RNF150: variants seen among roughly 807,000 people sequenced by gnomAD.
RNF150 encodes ring finger protein 150.
In RNF150, 24 loss-of-function variants were observed where a neutral mutation model predicts 39.3. The observed-to-expected ratio is 0.61, with a 90% CI of 0.44 to 0.86. The LOEUF is 0.86. RNF150 is among the 40% of genes least tolerant of loss of function. The probability of loss-of-function intolerance (pLI) is 0.00; values close to 1 mark genes in which losing one functional copy is unlikely to be tolerated. For missense variants in RNF150, 502 were observed against 587.8 expected (o/e 0.85, Z 1.51); for synonymous variants, 255 against 227.3 (o/e 1.12, Z -1.10).
intron 1 of RNF150, among the ~76,000 whole-genome samples, chr4:141,167,387 C>G (rs977297975): frequency 2.0e-5 from 3 of 152,050 alleles, no homozygotes; most frequent in African/African-American, 4.8e-5. Flanking sequence ...AATTTATAGA[C>G]TCAATGGTAT....
In RNF150 at chr4:141,200,755, A is replaced by T. The variant is rs573367455; in HGVS notation, c.-6+12039T>A. On this transcript the variant is annotated intron_variant, in intron 1 of 7. Coordinates refer to the RNF150 transcript ENST00000420921. ...GATTAAGGGTAACTCACATGGAGGT[A>T]CAAAAGCATCATCAAGAAAAATCTA... Among the ~76,000 whole-genome samples, 4 of 152,352 alleles carry T rather than the reference A, an allele frequency of 2.6e-5. No individual in the cohort carries two copies. The South Asian group carries it at 8.3e-4, about 32-fold the overall frequency.
intron 1 of RNF150, among the ~76,000 whole-genome samples, chr4:141,094,655 G>A (rs568649948): frequency 2.6e-5 from 4 of 152,370 alleles, no homozygotes; most frequent in East Asian, 1.9e-4. Context: ...CCACATGGCC[G>A]TAGTTTGCCA....
intron 1 of RNF150, among the ~76,000 whole-genome samples, chr4:141,022,126 C>T (rs1389290972): frequency 6.6e-6 from 1 of 152,164 alleles, no homozygotes; most frequent in Non-Finnish European, 1.5e-5. Context: ...AAAGAAAGGC[C>T]TCTTTACACA....
At chr4:140,980,741 G>A (rs768360213) in intron 1 of RNF150, among the ~76,000 whole-genome samples, 1 of 152,150 alleles carries the variant, frequency 6.6e-6, no homozygotes, top group Non-Finnish European at 1.5e-5. Context: ...CCTTCCGCAT[G>A]ATTGTAAGTT....
chr4:141,099,792 TA>T (rs951059561), intron 1 of RNF150, among the ~76,000 whole-genome samples: 15 of 146,292 alleles, frequency 1.0e-4, no homozygotes, highest in Admixed American at 2.1e-4. Flanking sequence ...GTTATATATA[TA>T]AAAAAAAAAC....
intron 5 of RNF150, among the ~76,000 whole-genome samples, chr4:140,917,917 T>G (rs921260581): frequency 6.6e-5 from 10 of 151,806 alleles, no homozygotes; most frequent in African/African-American, 2.4e-4. Flanking sequence ...ACATGGAAAC[T>G]GAACAACCTG....
At chr4:141,153,933 T>C (rs533938902) in intron 1 of RNF150, among the ~76,000 whole-genome samples, 1 of 152,318 alleles carries the variant, frequency 6.6e-6, no homozygotes, top group African/African-American at 2.4e-5. Flanking sequence ...TTTGCTGAGA[T>C]TGAATCCCAG....
chr4:140,999,990 A>G (rs865929573), intron 1 of RNF150, among the ~76,000 whole-genome samples: 10 of 30,506 alleles, frequency 3.3e-4, no homozygotes, highest in Non-Finnish European at 3.9e-4. Flanking sequence ...GAAGAAAAGA[A>G]GAAAAGAAGA....
In RNF150 at chr4:141,132,451, G is replaced by T; in HGVS notation, c.358C>A (p.Leu120Ile). The change falls in exon 1 of 7, where the codon CTC becomes ATC. Residue 120 changes from leucine to isoleucine, a missense_variant. Transcript: ENST00000515673. This position sits in a 1 kb window ranked among gnomAD's most constrained non-coding sequence, Gnocchi z 4.9. ...TACGTGCAGTTGCCCTTGGGGATGA[G>T]GGCTATCCAGTTCTTGCCGCGGGTC... ...APTRGKNWIA[L>I]IPKGNCTYRD... is the part of the protein sequence containing the mutation. 1 of 1,610,466 alleles carries T rather than the reference G, an allele frequency of 6.2e-7. No homozygotes were observed. Among genetic ancestry groups the T allele is most frequent in the Admixed American group, 1.7e-5 (1 of 59,538 alleles).
chr4:140,932,596 T>C (rs929376866), intron 4 of RNF150, among the ~76,000 whole-genome samples: 1 of 152,208 alleles, frequency 6.6e-6, no homozygotes, highest in Non-Finnish European at 1.5e-5. Context: ...ACCTTTATTC[T>C]TTCCCAGTGT....
intron 2 of RNF150, among the ~76,000 whole-genome samples, chr4:140,950,478 TTAAG>T (rs1224679894): frequency 6.6e-5 from 10 of 152,234 alleles, no homozygotes; most frequent in African/African-American, 2.2e-4. Flanking sequence ...CTTACAGAGC[TTAAG>T]TAAGTTGTCC....
intron 1 of RNF150, among the ~76,000 whole-genome samples, chr4:141,144,257 A>G (rs1727166395): frequency 6.6e-6 from 1 of 152,204 alleles, no homozygotes; most frequent in Non-Finnish European, 1.5e-5. Context: ...AGACTTTGTG[A>G]TCTGTAATTT....
chr4:140,931,761 A>G (rs1247149327), intron 4 of RNF150, among the ~76,000 whole-genome samples: 1 of 152,250 alleles, frequency 6.6e-6, no homozygotes, highest in Non-Finnish European at 1.5e-5. Flanking sequence ...AACATTTTAA[A>G]AATAGTTCTT....
rs532964473 is a variant in RNF150, at chr4:141,193,616, A to G, written c.-6+19178T>C. On this transcript the variant is annotated intron_variant, in intron 1 of 7. Transcript: ENST00000420921. ...AAGTTTTTTTTTTCCCAGAGATTCT[A>G]TCTTGTGACAAAAACATCTTCTGCC... Among the ~76,000 whole-genome samples, 5 of 152,078 alleles carry G rather than the reference A, an allele frequency of 3.3e-5. 1 individual carries two copies. The East Asian group carries it at 9.7e-4, about 29-fold the overall frequency.
chr4:140,999,930 TTGGTCTCAA>T, intron 1 of RNF150, among the ~76,000 whole-genome samples: 1 of 74,278 alleles, frequency 1.3e-5, no homozygotes, highest in Non-Finnish European at 3.2e-5. Flanking sequence ...AGAGTGAGAC[TTGGTCTCAA>T]AAAAAGAAGA....
intron 4 of RNF150, among the ~76,000 whole-genome samples, chr4:140,938,164 AC>A (rs1351121812): frequency 2.0e-5 from 3 of 152,102 alleles, no homozygotes; most frequent in African/African-American, 7.2e-5. Flanking sequence ...AATTCATTTG[AC>A]TCATCTTAAA....
chr4:141,019,089 T>C (rs1231121168), intron 1 of RNF150, among the ~76,000 whole-genome samples: 1 of 139,322 alleles, frequency 7.2e-6, no homozygotes, highest in African/African-American at 2.7e-5. Flanking sequence ...TATGGAACTT[T>C]ACACAAAAGA....
intron 4 of RNF150, among the ~76,000 whole-genome samples, chr4:140,947,301 T>C (rs1405454297): frequency 6.6e-6 from 1 of 152,186 alleles, no homozygotes; most frequent in Admixed American, 6.5e-5. Flanking sequence ...TTAATTAAAA[T>C]AGTACTGGTA....
intron 1 of RNF150, among the ~76,000 whole-genome samples, chr4:141,003,376 C>T (rs1433797617): frequency 6.6e-6 from 1 of 152,184 alleles, no homozygotes; most frequent in Non-Finnish European, 1.5e-5. Flanking sequence ...TGAACTACAA[C>T]CCTTGCACAC....
Sources: allele counts gnomAD v4.1 joint callset (sites outside exome capture counted in the v4.1 genomes callset), GRCh38; gene constraint gnomAD v4.1.1; non-coding constraint Gnocchi (gnomAD v3.1); transcripts MANE v1.5; gene names NCBI Gene and HGNC (gene_info 2026-07-23, HGNC 2026-07-21).